Variants in CLYBL observed in about 807,000 individuals in gnomAD.
The protein encoded by CLYBL is citramalyl-CoA lyase, mitochondrial.
CLYBL carries 31 observed loss-of-function variants against 38.9 expected under a neutral mutation model. The observed-to-expected ratio is 0.80, with a 90% confidence interval of 0.60 to 1.08. CLYBL has a LOEUF of 1.08. Ranked by LOEUF, CLYBL falls within the 50% of genes least tolerant of loss-of-function variation. The pLI is 0.00. For synonymous variants in CLYBL, 171 were observed against 158.6 expected (o/e 1.08, Z -0.59); for missense variants, 434 against 411.6 (o/e 1.05, Z -0.47).
intron 2 of CLYBL, among the ~76,000 whole-genome samples, chr13:99,812,529 T>A (rs1464593179): frequency 6.6e-6 from 1 of 152,242 alleles, no homozygotes; most frequent in Non-Finnish European, 1.5e-5. Flanking sequence ...TTCTCCTCCC[T>A]GGACCTCATC....
intron 1 of CLYBL, among the ~76,000 whole-genome samples, chr13:99,638,026 C>T (rs2047046221): frequency 1.5e-5 from 2 of 131,394 alleles, no homozygotes; most frequent in Admixed American, 1.8e-4. Context: ...TGCAATGGCA[C>T]AATCGCGGTT....
chr13:99,655,607 C>T (rs2047319395), intron 1 of CLYBL, among the ~76,000 whole-genome samples: 1 of 152,188 alleles, frequency 6.6e-6, no homozygotes, highest in Admixed American at 6.5e-5. Flanking sequence ...TTTCATCCCA[C>T]TAAATAACAC....
chr13:99,835,836 G>A (rs1377399564), intron 2 of CLYBL, among the ~76,000 whole-genome samples: 1 of 152,156 alleles, frequency 6.6e-6, no homozygotes, highest in Non-Finnish European at 1.5e-5. Context: ...CAAGACTTGA[G>A]GATGCTGTGA....
chr13:99,671,398 A>T (rs2047562666), intron 1 of CLYBL, among the ~76,000 whole-genome samples: 1 of 152,120 alleles, frequency 6.6e-6, no homozygotes, highest in Non-Finnish European at 1.5e-5. Context: ...ATTGCACTTT[A>T]AGGAGATTGA....
At chr13:99,821,459 ATTTTC>A (rs1270567172) in intron 2 of CLYBL, among the ~76,000 whole-genome samples, 1 of 152,088 alleles carries the variant, frequency 6.6e-6, no homozygotes, top group Non-Finnish European at 1.5e-5. Context: ...TATACACTTA[ATTTTC>A]TTTTCTTTGT....
downstream of CLYBL, chr13:99,895,761 G>A (rs1219777097): frequency 1.3e-5 from 2 of 152,240 alleles, no homozygotes; most frequent in African/African-American, 4.8e-5. Context: ...TTGCAGGAAG[G>A]GGCCGAAGCC....
intron 1 of CLYBL, among the ~76,000 whole-genome samples, chr13:99,770,014 T>C (rs894091272): frequency 5.3e-5 from 8 of 152,110 alleles, no homozygotes; most frequent in African/African-American, 1.9e-4. Context: ...GATCATGCTA[T>C]TTATCTAGGG....
At chr13:99,728,404 G>A (rs932529656) in intron 1 of CLYBL, among the ~76,000 whole-genome samples, 3 of 150,394 alleles carry the variant, frequency 2.0e-5, no homozygotes, top group East Asian at 2.0e-4. Flanking sequence ...TCAGCCTCCC[G>A]AGTAGCAGAG....
chr13:99,736,044 T>C (rs953526219), intron 1 of CLYBL, among the ~76,000 whole-genome samples: 17 of 135,232 alleles, frequency 1.3e-4, no homozygotes, highest in Admixed American at 5.9e-4. Context: ...TTTTCTTTTT[T>C]TTTTTTTTTT....
intron 1 of CLYBL, among the ~76,000 whole-genome samples, chr13:99,749,175 G>A (rs1158400699): frequency 6.7e-6 from 1 of 149,502 alleles, no homozygotes; most frequent in African/African-American, 2.5e-5. Context: ...GCGAGACTCT[G>A]TCTCAAAAAA....
chr13:99,715,689 C>T (rs1223853394), intron 1 of CLYBL, among the ~76,000 whole-genome samples: 1 of 152,122 alleles, frequency 6.6e-6, no homozygotes, highest in Non-Finnish European at 1.5e-5. Flanking sequence ...TCCTTTTGTT[C>T]CAACCCACTA....
chr13:99,859,604 T>C (rs1227065475), intron 3 of CLYBL, among the ~76,000 whole-genome samples: 1 of 152,240 alleles, frequency 6.6e-6, no homozygotes, highest in Non-Finnish European at 1.5e-5. Flanking sequence ...TCCTGAACAG[T>C]TCTCTAGTGC....
At chr13:99,848,863 G>C (rs749719355) in intron 2 of CLYBL, among the ~76,000 whole-genome samples, 1 of 152,224 alleles carries the variant, frequency 6.6e-6, no homozygotes, top group Non-Finnish European at 1.5e-5. Flanking sequence ...AGATGGCTGA[G>C]TACCGTGGCT....
intron 2 of CLYBL, among the ~76,000 whole-genome samples, chr13:99,788,012 G>A (rs911780237): frequency 6.6e-6 from 1 of 152,128 alleles, no homozygotes; most frequent in African/African-American, 2.4e-5. Context: ...TCTGTTATTG[G>A]TGTATAAGAA....
intron 2 of CLYBL, among the ~76,000 whole-genome samples, chr13:99,816,377 C>T (rs1229395073): frequency 6.6e-6 from 1 of 152,362 alleles, no homozygotes; most frequent in East Asian, 1.9e-4. Flanking sequence ...TTGAAACTGG[C>T]TCTCAATGAC....
chr13:99,871,178 G>A (rs1594236040), intron 7 of CLYBL, 116 bp downstream of exon 7: 4 of 1,173,558 alleles, frequency 3.4e-6, no homozygotes, highest in South Asian at 2.7e-5. Flanking sequence ...GGAGAGGGGG[G>A]AAAGGGAGGG....
intron 1 of CLYBL, among the ~76,000 whole-genome samples, chr13:99,698,812 A>C (rs923841295): frequency 1.3e-5 from 2 of 152,206 alleles, no homozygotes; most frequent in Non-Finnish European, 2.9e-5. Context: ...TTGCAGCTAA[A>C]CAGATGATAA....
rs73572563 is a variant in CLYBL, at chr13:99,825,590, G to A, written c.250-33271G>A. 2.8e-3 allele frequency among the ~76,000 whole-genome samples: 430 copies of A among 152,234 alleles called. 2 individuals carry two copies. The highest frequency in any genetic ancestry group is 9.9e-3 in the African/African-American group (411 of 41,518). ...TTTAGAATGTAATTAGTGGGGAAGG[G>A]GGCCTGCTTCTCTGGGATGAGAACG... On this transcript the variant is annotated intron_variant, in intron 2 of 8. Transcript: ENST00000339105.
chr13:99,646,194 T>G (rs1413948994), intron 1 of CLYBL, among the ~76,000 whole-genome samples: 2 of 152,194 alleles, frequency 1.3e-5, no homozygotes, highest in African/African-American at 4.8e-5. Flanking sequence ...CAGGATCCTG[T>G]CATAATCAGG....
Sources: allele counts gnomAD v4.1 joint callset (sites outside exome capture counted in the v4.1 genomes callset), GRCh38; gene constraint gnomAD v4.1.1; transcripts MANE v1.5; gene names NCBI Gene and HGNC (gene_info 2026-07-23, HGNC 2026-07-21).